ZDHHC15: variants seen among roughly 807,000 people sequenced by gnomAD.
The protein encoded by ZDHHC15 is palmitoyltransferase ZDHHC15.
A neutral mutation model predicts 31.7 loss-of-function variants in ZDHHC15; 19 were observed. That is an observed-to-expected ratio of 0.60 (90% CI 0.42 to 0.88). The LOEUF (loss-of-function observed/expected upper bound fraction) is 0.88. Ranked by LOEUF, ZDHHC15 falls within the 40% of genes least tolerant of loss-of-function variation. The pLI is 0.00. For synonymous variants in ZDHHC15, 103 were observed against 90.0 expected (o/e 1.14, Z -0.82); for missense variants, 209 against 251.2 (o/e 0.83, Z 1.14).
intron 3 of ZDHHC15, among the ~76,000 whole-genome samples, chrX:75,456,419 G>A (rs2084223345): frequency 9.1e-6 from 1 of 110,169 alleles, no homozygotes; most frequent in Non-Finnish European, 1.9e-5. Flanking sequence ...AAGTTGATGG[G>A]CACAGCACAC....
In ZDHHC15 at chrX:75,429,054, C is replaced by A. The variant is rs748248909; in HGVS notation, c.603+24G>T. On this transcript the variant is annotated intron_variant, in intron 7 of 11. Transcript: ENST00000373367. ...GTGGGTGTGCATTTGTTCTAGGGGA[C>A]CCTTCAGGATATTTTTAACTTACTC... 17 of 1,202,986 alleles carry A rather than the reference C, an allele frequency of 1.4e-5. No individual in the cohort carries two copies. The South Asian group carries it at 1.4e-4, about 10-fold the overall frequency.
At chrX:75,448,166 T>C (rs1042847341) in intron 4 of ZDHHC15, among the ~76,000 whole-genome samples, 1 of 112,340 alleles carries the variant, frequency 8.9e-6, no homozygotes, top group Admixed American at 9.4e-5. Context: ...GGGCATCTCT[T>C]AGTATTACCA....
At chrX:75,472,799 C>T (rs373011740) in intron 3 of ZDHHC15, among the ~76,000 whole-genome samples, 7 of 112,096 alleles carry the variant, frequency 6.2e-5, no homozygotes, top group East Asian at 5.6e-4. Flanking sequence ...CCACTCACCA[C>T]GGTCGACCTG....
At chrX:75,465,091 A>C (rs2084381227) in intron 3 of ZDHHC15, among the ~76,000 whole-genome samples, 1 of 112,509 alleles carries the variant, frequency 8.9e-6, no homozygotes, top group South Asian at 3.7e-4. Context: ...GAAGCTAATA[A>C]GCAACTTCAG....
At chrX:75,373,926 GTTTTTTTTTT>G (rs35704680) in intron 11 of ZDHHC15, among the ~76,000 whole-genome samples, 8 of 50,456 alleles carry the variant, frequency 1.6e-4, no homozygotes, top group Non-Finnish European at 2.0e-4. Flanking sequence ...CATTCTTTCT[GTTTTTTTTTT>G]TTTTTTTTTT....
intron 2 of ZDHHC15, among the ~76,000 whole-genome samples, chrX:75,500,700 G>A (rs1269413630): frequency 1.8e-5 from 2 of 108,888 alleles, no homozygotes; most frequent in Non-Finnish European, 3.8e-5. Context: ...ATCTAAGGGA[G>A]GCTTTTATCT....
Position 75,475,019 on chromosome X carries a change from G to A in ZDHHC15, c.258+3872C>T, listed in dbSNP as rs189296465. On this transcript the variant is annotated intron_variant, in intron 3 of 11. Coordinates refer to ENST00000373367, the MANE Select transcript of ZDHHC15 (RefSeq NM_144969.3). ...GCTTGCAGTGAGCCGAGATTGCGCC[G>A]CTGCACTCCTGCCTGGGCGACAGAG... Among the ~76,000 whole-genome samples, 922 of 111,006 alleles carry A rather than the reference G, an allele frequency of 8.3e-3. 11 individuals carry two copies. The highest frequency in any genetic ancestry group is 0.027 in the African/African-American group (826 of 30,618).
intron 2 of ZDHHC15, among the ~76,000 whole-genome samples, chrX:75,489,393 C>A (rs2084833402): frequency 9.0e-6 from 1 of 111,677 alleles, no homozygotes; most frequent in African/African-American, 3.3e-5. Context: ...TGAGACAAAA[C>A]ATCCAGAGGA....
At chrX:75,395,228 A>G (rs1467605168) in intron 10 of ZDHHC15, among the ~76,000 whole-genome samples, 1 of 111,787 alleles carries the variant, frequency 8.9e-6, no homozygotes, top group Non-Finnish European at 1.9e-5. Context: ...AGAGAAAGAA[A>G]TAAACACATC....
At chrX:75,456,858 ACAGATC>A (rs777527498) in intron 3 of ZDHHC15, among the ~76,000 whole-genome samples, 32 of 111,401 alleles carry the variant, frequency 2.9e-4, no homozygotes, top group Non-Finnish European at 4.3e-4. Flanking sequence ...GTAAATTTAG[ACAGATC>A]CAGGTTCAAG....
intron 2 of ZDHHC15, among the ~76,000 whole-genome samples, chrX:75,485,886 A>C (rs979194562): frequency 4.5e-5 from 5 of 112,111 alleles, no homozygotes; most frequent in Non-Finnish European, 9.4e-5. Context: ...AATAAGCTTC[A>C]GTTTTAAGTT....
At chrX:75,442,219 G>C (rs2147887846) in intron 4 of ZDHHC15, among the ~76,000 whole-genome samples, 1 of 112,026 alleles carries the variant, frequency 8.9e-6, no homozygotes, top group Admixed American at 9.5e-5. Context: ...CTTCAACCAA[G>C]CCTTTGAGGA....
At chrX:75,474,499 C>T (rs1410459921) in intron 3 of ZDHHC15, among the ~76,000 whole-genome samples, 2 of 96,256 alleles carry the variant, frequency 2.1e-5, no homozygotes, top group South Asian at 9.5e-4. Flanking sequence ...TATACTTACA[C>T]TTTTATATAC....
At chrX:75,375,483 G>A (rs770426638) in intron 11 of ZDHHC15, among the ~76,000 whole-genome samples, 1 of 111,508 alleles carries the variant, frequency 9.0e-6, no homozygotes, top group African/African-American at 3.3e-5. Context: ...GTGTGATGCT[G>A]AGGTTTGGGG....
intron 1 of ZDHHC15, among the ~76,000 whole-genome samples, chrX:75,516,807 G>A (rs936098434): frequency 8.1e-5 from 9 of 110,667 alleles, no homozygotes; most frequent in African/African-American, 9.9e-5. Context: ...GCAACCTACA[G>A]AATGGGAGAA....
At chrX:75,504,833 A>G (rs754438745) in intron 2 of ZDHHC15, among the ~76,000 whole-genome samples, 1 of 111,991 alleles carries the variant, frequency 8.9e-6, no homozygotes, top group Non-Finnish European at 1.9e-5. Flanking sequence ...TAATTTTGTA[A>G]TAATGGTAGG....
intron 4 of ZDHHC15, among the ~76,000 whole-genome samples, chrX:75,444,359 A>G (rs1358882811): frequency 9.4e-6 from 1 of 105,975 alleles, no homozygotes; most frequent in African/African-American, 3.5e-5. Context: ...TCAGCAAACT[A>G]TCACAAGGAC....
chrX:75,500,707 A>C (rs1030309074), intron 2 of ZDHHC15, among the ~76,000 whole-genome samples: 1 of 109,531 alleles, frequency 9.1e-6, no homozygotes, highest in Non-Finnish European at 1.9e-5. Flanking sequence ...GGAGGCTTTT[A>C]TCTGATCTCT....
intron 3 of ZDHHC15, among the ~76,000 whole-genome samples, chrX:75,462,146 C>A (rs1326135360): frequency 8.1e-5 from 9 of 111,598 alleles, no homozygotes; most frequent in Non-Finnish European, 1.5e-4. Flanking sequence ...TCTAACAAAA[C>A]TGACTTTAAA....
Sources: allele counts gnomAD v4.1 joint callset (sites outside exome capture counted in the v4.1 genomes callset), GRCh38; gene constraint gnomAD v4.1.1; transcripts MANE v1.5; gene names NCBI Gene and HGNC (gene_info 2026-07-23, HGNC 2026-07-21).